The following CSMD2 variants were observed in gnomAD, a reference collection of about 807,000 sequenced individuals.
CSMD2 encodes CUB and sushi domain-containing protein 2.
Under a neutral mutation model 398.5 loss-of-function variants are expected in CSMD2, and 130 were observed. The observed-to-expected ratio is 0.33, with a 90% confidence interval of 0.28 to 0.38. The LOEUF is 0.38. Among genes scored for constraint, CSMD2 ranks in the 10% least tolerant of loss-of-function variants. The pLI is 1.00. For missense variants in CSMD2, 3,829 were observed against 4,764.9 expected (o/e 0.80, Z 5.78); for synonymous variants, 1,828 against 1,908.5 (o/e 0.96, Z 1.10).
intron 3 of CSMD2, among the ~76,000 whole-genome samples, chr1:33,993,864 G>T (rs1217346556): frequency 6.6e-6 from 1 of 152,038 alleles, no homozygotes; most frequent in Non-Finnish European, 1.5e-5. Flanking sequence ...TCCCCTGCCC[G>T]CACCTTATCT....
In CSMD2 at chr1:33,787,786, A is replaced by C. The variant is rs142003756; in HGVS notation, c.1663+814T>G. ...GGCCAAAGGGGGTTTGGAAGTGGTC[A>C]GAAGGGTGATGTTGAGGGTATCTCC... On this transcript the variant is annotated intron_variant, in intron 12 of 70. Transcript: ENST00000373381. Among the ~76,000 whole-genome samples the C allele has an allele frequency of 5.6e-3, 853 of 152,234 alleles. 4 individuals carry two copies. The highest frequency in any genetic ancestry group is 8.5e-3 in the Non-Finnish European group (581 of 68,016).
intron 2 of CSMD2, among the ~76,000 whole-genome samples, chr1:34,064,282 G>A (rs1489373580): frequency 6.6e-6 from 1 of 152,104 alleles, no homozygotes; most frequent in Non-Finnish European, 1.5e-5. Flanking sequence ...GCATCATCAG[G>A]CTGCAAATTT....
intron 5 of CSMD2, among the ~76,000 whole-genome samples, chr1:33,889,777 G>A (rs1186871221): frequency 6.6e-6 from 1 of 151,846 alleles, no homozygotes; most frequent in Non-Finnish European, 1.5e-5. Flanking sequence ...GTGTGTGTGT[G>A]TGTGTGTGCA....
rs141666093 is a variant in CSMD2 at position 33,572,070 on chromosome 1, G to A, written c.7763-344C>T. 1.5e-4 allele frequency among the ~76,000 whole-genome samples: 23 copies of A among 152,186 alleles called. No homozygotes were observed. In the East Asian group the frequency reaches 2.7e-3, roughly 18 times the overall value. On this transcript the variant is annotated intron_variant, in intron 50 of 70. Coordinates refer to ENST00000373381, the MANE Select transcript of CSMD2 (RefSeq NM_001281956.2). ...AAATTTCTTGATTTTAAAAGATTGT[G>A]GAGTAATTCAAAATTTGTTATAAAG...
intron 2 of CSMD2, among the ~76,000 whole-genome samples, chr1:34,070,667 C>A (rs990117498): frequency 2.0e-5 from 3 of 152,188 alleles, no homozygotes; most frequent in Non-Finnish European, 4.4e-5. Context: ...CCTCTGTCTG[C>A]AAGAACTCTT....
intron 1 of CSMD2, among the ~76,000 whole-genome samples, chr1:34,151,555 G>A (rs1329451120): frequency 6.6e-6 from 1 of 152,114 alleles, no homozygotes; most frequent in East Asian, 1.9e-4. Flanking sequence ...AGCAGGACTA[G>A]GGAAGGGGAT....
Position 33,698,894 on chromosome 1 carries a change from T to C in CSMD2, c.3784A>G (p.Lys1262Glu), listed in dbSNP as rs747935754. Reference sequence around the variant, plus strand: ...GCAAAATGACCTTCATCATGAACCTTGTAGCCAAACTTGGGGGTTCCTGGG... The same window carrying C: ...GCAAAATGACCTTCATCATGAACCTCGTAGCCAAACTTGGGGGTTCCTGGG... Reference protein sequence around the residue: ...EDPGTPKFGYKVHDEGHFAGS... With the variant: ...EDPGTPKFGYEVHDEGHFAGS... Residue 1262 changes from lysine to glutamate, a missense_variant, in exon 24 of 71, where the codon AAG becomes GAG. Transcript: ENST00000373381. 6.2e-7 allele frequency: 1 copy of C among 1,614,142 alleles called. No individual in the cohort carries two copies. Among genetic ancestry groups the C allele is most frequent in the South Asian group, 1.1e-5 (1 of 91,064 alleles).
chr1:33,729,612 T>C (rs947430913), intron 15 of CSMD2, among the ~76,000 whole-genome samples: 8 of 151,666 alleles, frequency 5.3e-5, no homozygotes, highest in African/African-American at 1.9e-4. Context: ...GTATATCTCC[T>C]AAAGCTATCC....
intron 42 of CSMD2, among the ~76,000 whole-genome samples, chr1:33,603,853 G>A (rs967365083): frequency 6.6e-6 from 1 of 152,232 alleles, no homozygotes; most frequent in Non-Finnish European, 1.5e-5. Flanking sequence ...AGAGAGGAAT[G>A]CTGTATGGGA....
intron 22 of CSMD2, among the ~76,000 whole-genome samples, chr1:33,707,571 T>A (rs1645829169): frequency 6.6e-6 from 1 of 152,196 alleles, no homozygotes; most frequent in Admixed American, 6.5e-5. Context: ...GATTGTTCTA[T>A]CCCATTTCAG....
chr1:34,086,574 C>A (rs80039431), intron 2 of CSMD2, among the ~76,000 whole-genome samples: 2 of 152,144 alleles, frequency 1.3e-5, no homozygotes, highest in Admixed American at 1.3e-4. Context: ...TCCTCATCTC[C>A]TTTCTCCCAT....
rs1295704557 is a variant in CSMD2, at chr1:33,527,256, C to G, written c.10174G>C (p.Val3392Leu). The G allele has an allele frequency of 6.2e-7, 1 of 1,612,392 alleles. No individual in the cohort carries two copies. The highest frequency in any genetic ancestry group is 2.2e-5 in the East Asian group (1 of 44,820). Residue 3392 changes from valine to leucine, a missense_variant and splice_region_variant, in exon 65 of 71, where the codon GTC (valine) becomes CTC (leucine). By Grantham distance (32) the Val-to-Leu change is conservative (BLOSUM62 1). This residue lies in a region of CSMD2 where 917 missense variants were observed against 1,199.5 expected (regional missense o/e 0.76). Transcript: ENST00000373381. ...WTGKPPICLE[V>L]RPSGRPINTA... ...TTGATGGGTCTCCCACTGGGCCGGACCTCTGCTGGGGAAAAAGAGTGGAAG... is the reference window on the plus strand; with the variant it reads ...TTGATGGGTCTCCCACTGGGCCGGAGCTCTGCTGGGGAAAAAGAGTGGAAG...
chr1:33,731,121 T>C (rs979961796), intron 15 of CSMD2, among the ~76,000 whole-genome samples: 1 of 152,132 alleles, frequency 6.6e-6, no homozygotes, highest in Non-Finnish European at 1.5e-5. Flanking sequence ...ATACATAAAG[T>C]ATGTTTGGAT....
intron 22 of CSMD2, among the ~76,000 whole-genome samples, chr1:33,708,824 G>A (rs570408): frequency 0.89 from 136,106 of 152,084 alleles, 61,060 homozygotes; most frequent in African/African-American, 0.96. Context: ...CTAAATTATT[G>A]TCTTTTATTA....
At chr1:33,661,348 C>G (rs557096323) in intron 26 of CSMD2, among the ~76,000 whole-genome samples, 4 of 152,266 alleles carry the variant, frequency 2.6e-5, no homozygotes, top group African/African-American at 9.6e-5. Context: ...CCTTCCATTG[C>G]TTATTCCAGC....
intron 20 of CSMD2, among the ~76,000 whole-genome samples, chr1:33,715,743 G>T (rs1193340312): frequency 6.6e-6 from 1 of 152,176 alleles, no homozygotes; most frequent in African/African-American, 2.4e-5. Context: ...GAAGGGCTCG[G>T]TATGAGAGGA....
At chr1:34,097,778 G>C (rs1659503588) in intron 1 of CSMD2, among the ~76,000 whole-genome samples, 2 of 17,592 alleles carry the variant, frequency 1.1e-4, no homozygotes, top group Non-Finnish European at 2.1e-4. Flanking sequence ...TGCTGGAGAG[G>C]ATGTGGAGAA....
chr1:33,858,553 T>G (rs1639261309), intron 5 of CSMD2, among the ~76,000 whole-genome samples: 1 of 152,216 alleles, frequency 6.6e-6, no homozygotes, highest in Non-Finnish European at 1.5e-5. Context: ...CCAGAGATGA[T>G]GTACCCAAAG....
intron 49 of CSMD2, 92 bp from the exon 50 acceptor site, chr1:33,572,783 T>C: frequency 9.7e-7 from 1 of 1,032,854 alleles, no homozygotes; most frequent in Non-Finnish European, 1.3e-6. Flanking sequence ...AAGGTCCTTT[T>C]ATTAGTAAAA....
Sources: gnomAD v4.1 joint callset for allele counts (sites outside exome capture counted in the v4.1 genomes callset) on GRCh38, gnomAD v4.1.1 for gene constraint, gnomAD v4.1.1 regional missense constraint, MANE v1.5 for transcripts, NCBI Gene and HGNC (gene_info 2026-07-23, HGNC 2026-07-21) for gene names.